FLYWCH1: variants seen among roughly 807,000 people sequenced by gnomAD.
FLYWCH1 encodes FLYWCH-type zinc finger 1.
A neutral mutation model predicts 66.4 loss-of-function variants in FLYWCH1; 75 were observed. The ratio of observed to expected loss-of-function variants is 1.13; its 90% CI spans 0.94 to 1.37. The LOEUF is 1.37. FLYWCH1 is among the 40% of genes most tolerant of loss of function. The pLI, the probability that FLYWCH1 is intolerant of heterozygous loss-of-function variation, is 0.00. For missense variants in FLYWCH1, 1,334 were observed against 1,001.8 expected (o/e 1.33, Z -4.48); for synonymous variants, 595 against 429.9 (o/e 1.38, Z -4.75).
intron 8 of FLYWCH1, 149 bp from the exon 9 acceptor site, chr16:2,939,883 T>C (rs1060485): frequency 0.059 from 47,660 of 808,978 alleles, 1,658 homozygotes; most frequent in Middle Eastern, 0.098. Flanking sequence ...GGGAAGGTAA[T>C]TGATGCGTTG....
At chr16:2,944,026 G>A (rs146160285) in intron 9 of FLYWCH1, among the ~76,000 whole-genome samples, 1,618 of 152,230 alleles carry the variant, frequency 0.011, 17 homozygotes, top group Non-Finnish European at 0.017. Context: ...AGCCTGGGAG[G>A]TTGAGGCTGC....
At chr16:2,932,117 CAAAA>C (rs71158124) in intron 4 of FLYWCH1, among the ~76,000 whole-genome samples, 4 of 109,876 alleles carry the variant, frequency 3.6e-5, no homozygotes, top group Non-Finnish European at 5.6e-5. Context: ...GACTCTGTCT[CAAAA>C]AAAAAAAAAA....
intron 2 of FLYWCH1, among the ~76,000 whole-genome samples, chr16:2,916,640 AAAAC>A: frequency 6.6e-6 from 1 of 152,048 alleles, no homozygotes. Flanking sequence ...CCATCTCAAA[AAAAC>A]AAAACAAAAC....
intron 2 of FLYWCH1, among the ~76,000 whole-genome samples, chr16:2,919,003 A>G (rs1017722906): frequency 6.6e-6 from 1 of 151,876 alleles, no homozygotes; most frequent in African/African-American, 2.4e-5. Flanking sequence ...GCTGGAGTGC[A>G]GTGGCATGAT....
At chr16:2,934,797 A>C (rs1438757400) in intron 6 of FLYWCH1, 1 of 357,942 alleles carries the variant, frequency 2.8e-6, no homozygotes, top group African/African-American at 2.2e-5. Flanking sequence ...TCCTGACCCC[A>C]CAAGTAACTA....
chr16:2,941,771 C>T (rs1178705058), intron 9 of FLYWCH1, among the ~76,000 whole-genome samples: 1 of 151,174 alleles, frequency 6.6e-6, no homozygotes, highest in Non-Finnish European at 1.5e-5. Flanking sequence ...ACCTGTAATC[C>T]CAGCACACTG....
chr16:2,947,852 G>T (rs11863711), intron 9 of FLYWCH1, among the ~76,000 whole-genome samples: 2 of 150,700 alleles, frequency 1.3e-5, no homozygotes, highest in East Asian at 2.0e-4. Context: ...GAGCAACACA[G>T]GGAGAACCCC....
chr16:2,926,255 T>C (rs536531147), intron 2 of FLYWCH1, among the ~76,000 whole-genome samples: 63 of 152,260 alleles, frequency 4.1e-4, no homozygotes, highest in Non-Finnish European at 8.2e-4. Context: ...ATCTAAAGGA[T>C]TGGGAAAAAA....
chr16:2,928,775 C>A (rs528938898), intron 2 of FLYWCH1: 3 of 152,502 alleles, frequency 2.0e-5, no homozygotes, highest in African/African-American at 7.2e-5. Context: ...CAGGCCCCCA[C>A]CCCAGCCCTG....
At chr16:2,941,527 G>T (rs1314166147) in intron 9 of FLYWCH1, among the ~76,000 whole-genome samples, 1 of 151,368 alleles carries the variant, frequency 6.6e-6, no homozygotes, top group Non-Finnish European at 1.5e-5. Flanking sequence ...CTGCAGTGAA[G>T]CATGATTGTA....
At chr16:2,937,745 C>CA (rs1356354986) in intron 7 of FLYWCH1, among the ~76,000 whole-genome samples, 4 of 152,082 alleles carry the variant, frequency 2.6e-5, no homozygotes, top group Non-Finnish European at 4.4e-5. Context: ...CTTCTAGTCT[C>CA]ACGGGGTTCT....
intron 9 of FLYWCH1, among the ~76,000 whole-genome samples, chr16:2,946,724 A>G (rs971906808): frequency 3.9e-5 from 6 of 152,220 alleles, no homozygotes; most frequent in Non-Finnish European, 5.9e-5. Flanking sequence ...CATGAATTCA[A>G]AGATATACAA....
chr16:2,940,004 ATTCATATT>A lies in FLYWCH1; in HGVS notation c.2051-23_2051-16del. On this transcript the variant is annotated intron_variant, in intron 8 of 9. Coordinates refer to ENST00000253928, the MANE Select transcript of FLYWCH1 (RefSeq NM_001308068.2). Reference sequence around the variant, plus strand: ...AGCTTCAACAAGAGAAGAATTATTAATTCATATTTTCAATTATTTTTCCACAGAAAAGA... The same window carrying A: ...AGCTTCAACAAGAGAAGAATTATTAATTCAATTATTTTTCCACAGAAAAGA... The A allele has an allele frequency of 6.3e-7, 1 of 1,580,768 alleles. No individual in the cohort carries two copies. Among genetic ancestry groups the A allele is most frequent in the Non-Finnish European group, 8.6e-7 (1 of 1,161,848 alleles).
At chr16:2,923,650 T>C (rs1455593703) in intron 2 of FLYWCH1, among the ~76,000 whole-genome samples, 1 of 152,238 alleles carries the variant, frequency 6.6e-6, no homozygotes, top group African/African-American at 2.4e-5. Flanking sequence ...CTGGGGGATG[T>C]GGTGTTTGTG....
chr16:2,947,316 G>A (rs1339234299), intron 9 of FLYWCH1, among the ~76,000 whole-genome samples: 1 of 152,232 alleles, frequency 6.6e-6, no homozygotes, highest in African/African-American at 2.4e-5. Flanking sequence ...TGGGGCAAGG[G>A]AAGCTGAGGA....
intron 2 of FLYWCH1, chr16:2,922,696 C>G (rs1412167554): frequency 2.1e-6 from 1 of 483,408 alleles, no homozygotes; most frequent in East Asian, 5.6e-5. Flanking sequence ...CCCAAAGCAT[C>G]CTGATCAGGA....
chr16:2,935,203 G>A lies in FLYWCH1; in HGVS notation c.1513+1224G>A, dbSNP rs925084150. On this transcript the variant is annotated intron_variant, in intron 6 of 9. Coordinates refer to ENST00000253928, the MANE Select transcript of FLYWCH1 (RefSeq NM_001308068.2). ...CTCCCAAAGTGCTGGGATTACAGGC[G>A]TGAGCCACCATACCCGGCCACGTTT... 1.0e-3 allele frequency: 158 copies of A among 152,776 alleles called. 2 individuals are homozygous for A. Among genetic ancestry groups the A allele is most frequent in the South Asian group, 2.1e-4 (1 of 4,824 alleles). The allele number at this position is 152,776 out of a possible 1,614,324, so 9.5% of individuals were successfully genotyped here.
chr16:2,939,917 G>C (rs1461266985), intron 8 of FLYWCH1, 115 bp from the exon 9 acceptor site: 2 of 1,255,384 alleles, frequency 1.6e-6, no homozygotes, highest in Non-Finnish European at 1.1e-6. Flanking sequence ...GCTTCACCCG[G>C]TTGTCTTTCT....
chr16:2,916,887 G>C (rs2070186662), intron 2 of FLYWCH1, among the ~76,000 whole-genome samples: 1 of 151,248 alleles, frequency 6.6e-6, no homozygotes, highest in African/African-American at 2.4e-5. Context: ...GCTCACTCCT[G>C]TAATCCCAGC....
Sources: gnomAD v4.1 joint callset for allele counts (sites outside exome capture counted in the v4.1 genomes callset) on GRCh38, gnomAD v4.1.1 for gene constraint, MANE v1.5 for transcripts, NCBI Gene and HGNC (gene_info 2026-07-23, HGNC 2026-07-21) for gene names.